The following FBXL17 variants were observed in gnomAD, a reference collection of about 807,000 sequenced individuals.
FBXL17 encodes F-box and leucine rich repeat protein 17.
A neutral mutation model predicts 66.2 loss-of-function variants in FBXL17; 22 were observed. The observed-to-expected ratio is 0.33, with a 90% CI of 0.24 to 0.47. The LOEUF is 0.47. Ranked by LOEUF, FBXL17 falls within the 20% of genes least tolerant of loss-of-function variation. The probability of loss-of-function intolerance (pLI) is 1.00; values close to 1 mark genes in which losing one functional copy is unlikely to be tolerated. For synonymous variants in FBXL17, 474 were observed against 400.5 expected (o/e 1.18, Z -2.19); for missense variants, 878 against 948.2 (o/e 0.93, Z 0.97).
chr5:107,953,406 A>G (rs1439831775), intron 7 of FBXL17, among the ~76,000 whole-genome samples: 11 of 150,150 alleles, frequency 7.3e-5, no homozygotes, highest in Non-Finnish European at 1.2e-4. Context: ...CTCTCTCAAA[A>G]AAAAAAAAAA....
intron 5 of FBXL17, among the ~76,000 whole-genome samples, chr5:108,210,676 C>G (rs1232208518): frequency 6.6e-6 from 1 of 152,136 alleles, no homozygotes; most frequent in Admixed American, 6.5e-5. Flanking sequence ...GTGTGAGAGA[C>G]TCTTTGTTAT....
intron 6 of FBXL17, among the ~76,000 whole-genome samples, chr5:108,175,145 G>A (rs957698387): frequency 1.3e-5 from 2 of 152,130 alleles, no homozygotes; most frequent in African/African-American, 4.8e-5. Flanking sequence ...ACAAAAGCAT[G>A]ATCTATAATT....
At chr5:108,053,822 T>C (rs1680196162) in intron 6 of FBXL17, among the ~76,000 whole-genome samples, 1 of 152,202 alleles carries the variant, frequency 6.6e-6, no homozygotes, top group Admixed American at 6.5e-5. Flanking sequence ...GTATGTTTAC[T>C]ACAGCACTAT....
chr5:108,167,074 T>A (rs966572732), intron 6 of FBXL17, among the ~76,000 whole-genome samples: 25 of 152,186 alleles, frequency 1.6e-4, no homozygotes, highest in Admixed American at 1.4e-3. Flanking sequence ...GTGTTTTTTT[T>A]AAATCTCTAT....
At chr5:108,009,604 A>G (rs1754100994) in intron 7 of FBXL17, among the ~76,000 whole-genome samples, 2 of 151,938 alleles carry the variant, frequency 1.3e-5, no homozygotes, top group South Asian at 4.2e-4. Flanking sequence ...GATAAACCCA[A>G]GGAAAGAAAC....
At chr5:108,039,359 G>C (rs288154) in intron 6 of FBXL17, among the ~76,000 whole-genome samples, 25,176 of 151,906 alleles carry the variant, frequency 0.17, 2,426 homozygotes, top group South Asian at 0.42. Context: ...CTAGAAGCTA[G>C]AGGCTGTTCC....
Position 108,329,761 on chromosome 5 carries a change from GT to G in FBXL17, c.1506+18637del, listed in dbSNP as rs1760031668. Reference sequence around the variant, plus strand: ...TGAAATAACTTAGAAGTTATCATTAGTAAAATAAGTATTACATAAGTGACAT... The same window carrying G: ...TGAAATAACTTAGAAGTTATCATTAGAAAATAAGTATTACATAAGTGACAT... On this transcript the variant is annotated intron_variant, in intron 4 of 8. Transcript: ENST00000542267. Among the ~76,000 whole-genome samples, 3 of 151,994 alleles carry G rather than the reference GT, an allele frequency of 2.0e-5. No individual in the cohort carries two copies. The South Asian group carries it at 6.2e-4, about 31-fold the overall frequency.
At chr5:108,074,782 A>T (rs1171013102) in intron 6 of FBXL17, among the ~76,000 whole-genome samples, 2 of 152,182 alleles carry the variant, frequency 1.3e-5, no homozygotes, top group Non-Finnish European at 2.9e-5. Context: ...ATTACTTTGT[A>T]CTATGAGAGA....
chr5:107,969,974 G>A (rs1752305900), intron 7 of FBXL17, among the ~76,000 whole-genome samples: 1 of 152,060 alleles, frequency 6.6e-6, no homozygotes, highest in African/African-American at 2.4e-5. Flanking sequence ...CCTCACTAGG[G>A]CATATTTGCA....
At chr5:107,868,474 A>G (rs191795079) in intron 8 of FBXL17, among the ~76,000 whole-genome samples, 15 of 152,364 alleles carry the variant, frequency 9.8e-5, no homozygotes, top group African/African-American at 3.1e-4. Context: ...TGGAAATGCG[A>G]TGAAGCTGCA....
intron 7 of FBXL17, among the ~76,000 whole-genome samples, chr5:107,896,494 A>C (rs1015122000): frequency 2.0e-5 from 3 of 152,128 alleles, no homozygotes; most frequent in Admixed American, 6.6e-5. Flanking sequence ...GTGTGACACT[A>C]CTCATCTCCA....
At chr5:108,233,035 ATATC>A (rs776817970) in intron 4 of FBXL17, among the ~76,000 whole-genome samples, 16 of 151,744 alleles carry the variant, frequency 1.1e-4, no homozygotes, top group Non-Finnish European at 1.2e-4. Flanking sequence ...TCTTGAGTAA[ATATC>A]TAGGAGTAGA....
intron 4 of FBXL17, among the ~76,000 whole-genome samples, chr5:108,308,892 CACA>C (rs1758982674): frequency 1.3e-5 from 2 of 152,062 alleles, no homozygotes; most frequent in Non-Finnish European, 2.9e-5. Flanking sequence ...TATAAATTGA[CACA>C]ACTATTCTTC....
At position 107,946,258 on chromosome 5, in the gene FBXL17, TATATATATATATATATATATATA is replaced by T. The variant is rs1751278638; in HGVS notation, c.1823-65102_1823-65080del. Among the ~76,000 whole-genome samples the T allele has an allele frequency of 2.7e-3, 60 of 21,992 alleles. 1 individual carries two copies. The highest frequency in any genetic ancestry group is 0.036 in the Middle Eastern group (2 of 56). 14.4% of individuals were successfully genotyped at this position (21,992 alleles called of 152,430 possible). ...TATTACTTTTATCAATCTCATTTTA[TATATATATATATATATATATATA>T]TATATATATATATATATATATATAT... On this transcript the variant is annotated intron_variant, in intron 7 of 8. Transcript: ENST00000542267.
At chr5:108,246,398 T>G (rs1436439175) in intron 4 of FBXL17, among the ~76,000 whole-genome samples, 2 of 152,160 alleles carry the variant, frequency 1.3e-5, no homozygotes, top group Admixed American at 1.3e-4. Context: ...ACACCTGTAG[T>G]TCCAGGTGCT....
chr5:108,154,679 A>G (rs1290547839), intron 6 of FBXL17, among the ~76,000 whole-genome samples: 14 of 144,610 alleles, frequency 9.7e-5, no homozygotes, highest in Non-Finnish European at 2.1e-4. Flanking sequence ...ATGTGTATAT[A>G]TATACACATA....
intron 6 of FBXL17, among the ~76,000 whole-genome samples, chr5:108,071,934 G>A (rs973896728): frequency 6.6e-6 from 1 of 152,024 alleles, no homozygotes; most frequent in African/African-American, 2.4e-5. Flanking sequence ...AATCTAATAT[G>A]CCAAATAATT....
At chr5:108,247,229 T>G (rs1432269293) in intron 4 of FBXL17, among the ~76,000 whole-genome samples, 4 of 152,158 alleles carry the variant, frequency 2.6e-5, no homozygotes, top group Non-Finnish European at 5.9e-5. Flanking sequence ...GTATTTGGAT[T>G]CCCATTTGGT....
At position 108,009,232 on chromosome 5, in the gene FBXL17, T is replaced by TATATAC. The variant is rs1298294744; in HGVS notation, c.1822+11692_1822+11693insGTATAT. Among the ~76,000 whole-genome samples, 17 of 19,000 alleles carry TATATAC rather than the reference T, an allele frequency of 8.9e-4. 2 individuals carry two copies. Among genetic ancestry groups the TATATAC allele is most frequent in the African/African-American group, 2.8e-3 (15 of 5,330 alleles). The allele number at this position is 19,000 out of a possible 152,430, so 12.5% of individuals were successfully genotyped here. A position where few individuals can be genotyped will look rare whatever the true frequency, so the allele number is the denominator to read the frequency against. ...ATATATATATATATATATATATATA[T>TATATAC]ACAGCTTGGTCGTGAGTTGTTCCCT... On this transcript the variant is annotated intron_variant, in intron 7 of 8. Coordinates refer to ENST00000542267, the MANE Select transcript of FBXL17 (RefSeq NM_001163315.3).
Sources: allele counts gnomAD v4.1 joint callset (sites outside exome capture counted in the v4.1 genomes callset), GRCh38; gene constraint gnomAD v4.1.1; transcripts MANE v1.5; gene names NCBI Gene and HGNC (gene_info 2026-07-23, HGNC 2026-07-21).